The following PDE11A variants were observed in gnomAD, a reference collection of about 807,000 sequenced individuals.
PDE11A encodes the protein phosphodiesterase 11A.
Under a neutral mutation model 100.5 loss-of-function variants are expected in PDE11A, and 100 were observed. The ratio of observed to expected loss-of-function variants is 1.00; its 90% CI spans 0.85 to 1.18. PDE11A has a LOEUF of 1.18. Among genes scored for constraint, PDE11A ranks in the 50% most tolerant of loss-of-function variants. The pLI is 0.00. For missense variants in PDE11A, 1,141 were observed against 1,152.6 expected (o/e 0.99, Z 0.15); for synonymous variants, 381 against 420.8 (o/e 0.91, Z 1.16).
chr2:177,686,770 T>G (rs2080958337), intron 15 of PDE11A: 2 of 144,042 alleles, frequency 1.4e-5, no homozygotes, highest in African/African-American at 5.2e-5. Flanking sequence ...AATGCAATGG[T>G]GCGATCTTGG....
intron 9 of PDE11A, among the ~76,000 whole-genome samples, chr2:177,801,512 T>G (rs1192360274): frequency 6.6e-6 from 1 of 152,098 alleles, no homozygotes; most frequent in Non-Finnish European, 1.5e-5. Context: ...ATAGCAGAAT[T>G]TAAGCCCACA....
At chr2:177,963,020 G>A (rs73042019) in intron 2 of PDE11A, among the ~76,000 whole-genome samples, 5 of 152,274 alleles carry the variant, frequency 3.3e-5, no homozygotes, top group African/African-American at 1.2e-4. Flanking sequence ...AAAGTAAATA[G>A]AGAAACTAGT....
rs147867896 is a variant in PDE11A at position 177,639,770 on chromosome 2, C to T, written c.2647-10208G>A. 2.7e-4 allele frequency among the ~76,000 whole-genome samples: 41 copies of T among 152,212 alleles called. No homozygotes were observed. In the Middle Eastern group the frequency reaches 0.01, roughly 38 times the overall value. On this transcript the variant is annotated intron_variant, in intron 19 of 19. Coordinates refer to ENST00000286063, the MANE Select transcript of PDE11A (RefSeq NM_016953.4). The stretch of plus-strand genomic sequence containing the variant: ...AGTTGACCACAGTTACCTCTTGGAA[C>T]CCAGCTGCTGGATAGATAGGGCAGA...
At chr2:177,698,679 C>G (rs143156002) in intron 14 of PDE11A, 1 of 152,228 alleles carries the variant, frequency 6.6e-6, no homozygotes, top group East Asian at 1.9e-4. Flanking sequence ...TTGGGTGAAC[C>G]CGCCACTCCT....
At chr2:177,994,968 T>C (rs2086052154) in intron 2 of PDE11A, among the ~76,000 whole-genome samples, 1 of 152,096 alleles carries the variant, frequency 6.6e-6, no homozygotes, top group Non-Finnish European at 1.5e-5. Flanking sequence ...TGTGCACTAT[T>C]GTCTTAGGAA....
intron 10 of PDE11A, among the ~76,000 whole-genome samples, chr2:177,760,601 T>C (rs1337426912): frequency 2.6e-5 from 4 of 152,314 alleles, no homozygotes; most frequent in South Asian, 4.1e-4. Context: ...CATAAAATTA[T>C]AGCATTTTTT....
intron 2 of PDE11A, among the ~76,000 whole-genome samples, chr2:177,991,860 T>A (rs1259729220): frequency 6.6e-6 from 1 of 151,124 alleles, no homozygotes; most frequent in African/African-American, 2.4e-5. Context: ...TTCTTTTTAA[T>A]TGGGTACATA....
rs1217797311 is a variant in PDE11A at position 177,945,515 on chromosome 2, C to T, written c.1072-40328G>A. The stretch of plus-strand genomic sequence containing the variant: ...GGAGGCCTCTGCCCGGCCGAGACCC[C>T]GTCTGGGAGGTGAGGAGGGTCTCTG... On this transcript the variant is annotated intron_variant, in intron 2 of 19. Coordinates refer to ENST00000286063, the MANE Select transcript of PDE11A (RefSeq NM_016953.4). 2.7e-5 allele frequency among the ~76,000 whole-genome samples: 4 copies of T among 148,818 alleles called. No individual in the cohort carries two copies. The East Asian group carries it at 6.0e-4, about 22-fold the overall frequency.
chr2:177,870,307 A>G (rs1049418766), intron 5 of PDE11A, among the ~76,000 whole-genome samples: 1 of 152,244 alleles, frequency 6.6e-6, no homozygotes, highest in Non-Finnish European at 1.5e-5. Flanking sequence ...CTGCAAAACA[A>G]TAACTTTTCA....
chr2:177,802,590 T>C (rs535925588), intron 9 of PDE11A, among the ~76,000 whole-genome samples: 16 of 152,162 alleles, frequency 1.1e-4, no homozygotes, highest in South Asian at 2.1e-4. Context: ...AAAGAAGCCT[T>C]ACCTAAAAGA....
chr2:177,639,079 A>T (rs1015110286), intron 19 of PDE11A, among the ~76,000 whole-genome samples: 8 of 152,136 alleles, frequency 5.3e-5, no homozygotes, highest in Non-Finnish European at 1.0e-4. Context: ...ACTCAGCAAG[A>T]TCACTGGGCT....
intron 19 of PDE11A, among the ~76,000 whole-genome samples, chr2:177,649,424 T>C (rs1445035049): frequency 6.6e-6 from 1 of 152,126 alleles, no homozygotes; most frequent in Non-Finnish European, 1.5e-5. Flanking sequence ...TAAAATCTAA[T>C]ACTATGCAGC....
At chr2:177,806,469 C>T (rs1157792377) in intron 9 of PDE11A, among the ~76,000 whole-genome samples, 1 of 152,190 alleles carries the variant, frequency 6.6e-6, no homozygotes, top group East Asian at 1.9e-4. Context: ...ATCAGCCTCT[C>T]ATTCTAGCTG....
At chr2:178,073,067 C>T (rs990385452), upstream of PDE11A, 2 of 985,290 alleles carry the variant, frequency 2.0e-6, no homozygotes, top group Admixed American at 6.1e-5. Flanking sequence ...GCCCCTTAAT[C>T]CGTTAGCGTT....
chr2:178,094,767 G>A (rs955700909), intron 2 of PDE11A, among the ~76,000 whole-genome samples: 2 of 152,086 alleles, frequency 1.3e-5, no homozygotes, highest in African/African-American at 2.4e-5. Flanking sequence ...TAGCTGAGAC[G>A]GCCTCAAGAA....
chr2:177,875,042 G>A (rs2084208246), intron 5 of PDE11A, among the ~76,000 whole-genome samples: 1 of 152,080 alleles, frequency 6.6e-6, no homozygotes, highest in East Asian at 1.9e-4. Flanking sequence ...TGGCCAACAT[G>A]GTGAAACCCA....
chr2:177,784,411 T>C (rs199892072), intron 9 of PDE11A, among the ~76,000 whole-genome samples: 2 of 152,194 alleles, frequency 1.3e-5, no homozygotes, highest in East Asian at 3.9e-4. Flanking sequence ...GAAACTACCC[T>C]ATATGATCTA....
intron 10 of PDE11A, among the ~76,000 whole-genome samples, chr2:177,766,354 TC>T (rs2082238664): frequency 6.6e-6 from 1 of 152,182 alleles, no homozygotes; most frequent in African/African-American, 2.4e-5. Context: ...GCTGCTCACC[TC>T]CTGCTGTGTG....
intron 2 of PDE11A, among the ~76,000 whole-genome samples, chr2:178,095,220 C>A (rs943852447): frequency 3.3e-5 from 5 of 152,152 alleles, no homozygotes; most frequent in Admixed American, 1.3e-4. Flanking sequence ...AAATCTAAAG[C>A]AAGTTATTTA....
Sources: allele counts gnomAD v4.1 joint callset (sites outside exome capture counted in the v4.1 genomes callset), GRCh38; gene constraint gnomAD v4.1.1; transcripts MANE v1.5; gene names NCBI Gene and HGNC (gene_info 2026-07-23, HGNC 2026-07-21).